Variants in AGO4 observed in about 807,000 individuals in gnomAD.
AGO4 encodes the protein protein argonaute-4.
Under a neutral mutation model 104.7 loss-of-function variants are expected in AGO4, and 33 were observed. The ratio of observed to expected loss-of-function variants is 0.32; its 90% CI spans 0.24 to 0.42. The LOEUF is 0.42. Ranked by LOEUF, AGO4 falls within the 10% of genes least tolerant of loss-of-function variation. The probability of loss-of-function intolerance (pLI) is 1.00; values close to 1 mark genes in which losing one functional copy is unlikely to be tolerated. For synonymous variants in AGO4, 331 were observed against 364.7 expected (o/e 0.91, Z 1.05); for missense variants, 711 against 1,083.4 (o/e 0.66, Z 4.83).
intron 16 of AGO4, 25 bp from the exon 17 acceptor site, chr1:35,850,829 A>G (rs750127761): frequency 6.8e-6 from 10 of 1,467,070 alleles, no homozygotes; most frequent in Non-Finnish European, 9.2e-6. Context: ...AAAAAAAAAC[A>G]TTAATCATAA....
intron 13 of AGO4, among the ~76,000 whole-genome samples, chr1:35,840,629 T>G (rs1461996437): frequency 6.6e-6 from 1 of 152,132 alleles, no homozygotes; most frequent in East Asian, 1.9e-4. Context: ...AAGGTCTTAC[T>G]CTGTCACCCA....
At chr1:35,831,392 A>C (rs1644181548) in intron 7 of AGO4, 35 bp from the exon 8 acceptor site, 1 of 1,559,032 alleles carries the variant, frequency 6.4e-7, no homozygotes, top group Non-Finnish European at 8.6e-7. Flanking sequence ...AAAGAACTTG[A>C]AGAAATATTC....
rs1029793768 is a variant in AGO4 at position 35,822,894 on chromosome 1, A to G, written c.218A>G (p.Lys73Arg). The G allele has an allele frequency of 1.9e-6, 3 of 1,614,120 alleles. No individual in the cohort carries two copies. The highest frequency in any genetic ancestry group is 2.5e-6 in the Non-Finnish European group (3 of 1,180,012). The change falls in exon 3 of 18, where the codon AAG (lysine) becomes AGG (arginine). Residue 73 changes from lysine to arginine, a missense_variant. Coordinates refer to ENST00000373210, the MANE Select transcript of AGO4 (RefSeq NM_017629.4). ...GTAGATACAATGGTGCGGCACTTCA[A>G]GATGCAAATATTTGGTGATCGGCAG... ...EVVDTMVRHFKMQIFGDRQPG... is the reference protein window; with the variant it reads ...EVVDTMVRHFRMQIFGDRQPG...
Position 35,832,164 on chromosome 1 carries a change from A to G in AGO4, c.1224A>G (p.Pro408=), listed in dbSNP as rs1282208378. ...TCACAGGCAGGGTACTTCCAGCACC[A>G]ATGCTGCAATATGGAGGCCGGGTAA... ...TELTGRVLPA[P]MLQYGGRNKT... Residue 408 remains proline (P), a synonymous_variant, in exon 10 of 18, where the codon CCA becomes CCG. Transcript: ENST00000373210. 1 of 1,613,698 alleles carries G rather than the reference A, an allele frequency of 6.2e-7. No individual in the cohort carries two copies. The highest frequency in any genetic ancestry group is 2.2e-5 in the East Asian group (1 of 44,884).
rs1571319024 is a variant in AGO4 at position 35,853,638 on chromosome 1, A to C, written c.*33A>C. 19 of 1,592,354 alleles carry C rather than the reference A, an allele frequency of 1.2e-5. No homozygotes were observed. Among genetic ancestry groups the C allele is most frequent in the Non-Finnish European group, 1.5e-5 (18 of 1,161,846 alleles). The stretch of plus-strand genomic sequence containing the variant: ...AGAAAAAGAACTCAACCAATTTGGC[A>C]CCCCATGCAGCCTCAAAATGTTTCA... On this transcript the variant is annotated 3_prime_UTR_variant, in exon 18 of 18. Coordinates refer to ENST00000373210, the MANE Select transcript of AGO4 (RefSeq NM_017629.4).
intron 1 of AGO4, among the ~76,000 whole-genome samples, chr1:35,811,539 A>C (rs937602966): frequency 6.6e-6 from 1 of 152,152 alleles, no homozygotes; most frequent in Non-Finnish European, 1.5e-5. Flanking sequence ...ACGTTTACAA[A>C]TGCAATTATA....
chr1:35,822,359 G>A (rs921102853), intron 2 of AGO4, among the ~76,000 whole-genome samples: 1 of 152,032 alleles, frequency 6.6e-6, no homozygotes, highest in African/African-American at 2.4e-5. Flanking sequence ...AGGTTCAAGC[G>A]ATTCACCTGC....
intron 2 of AGO4, among the ~76,000 whole-genome samples, chr1:35,821,766 TAATA>T (rs1643890948): frequency 6.6e-6 from 1 of 152,164 alleles, no homozygotes; most frequent in Non-Finnish European, 1.5e-5. Context: ...GTATACAGAA[TAATA>T]AATCACTGGC....
At chr1:35,817,086 G>T (rs2148652663) in intron 2 of AGO4, 39 bp downstream of exon 2, 1 of 1,527,594 alleles carries the variant, frequency 6.5e-7, no homozygotes, top group East Asian at 2.3e-5. Flanking sequence ...ATATTTAAGT[G>T]CATATAATTT....
chr1:35,850,091 A>T, intron 15 of AGO4, 66 bp from the exon 16 acceptor site: 4 of 1,112,324 alleles, frequency 3.6e-6, no homozygotes. Context: ...AACACACAAA[A>T]GAAAAAAATG....
chr1:35,819,133 G>A (rs542229370), intron 2 of AGO4, among the ~76,000 whole-genome samples: 1 of 152,260 alleles, frequency 6.6e-6, no homozygotes, highest in East Asian at 1.9e-4. Context: ...CATGTGGTGT[G>A]AAAGAAAGAA....
At chr1:35,827,184 GA>G (rs2148662661) in intron 7 of AGO4, among the ~76,000 whole-genome samples, 1 of 151,872 alleles carries the variant, frequency 6.6e-6, no homozygotes, top group South Asian at 2.1e-4. Context: ...CTGGGCAACA[GA>G]GCAAGACCCT....
rs368683042 is a variant in AGO4, at chr1:35,825,685, C to A, written c.495C>A (p.Thr165=). Residue 165 remains threonine, a synonymous_variant, in exon 5 of 18, where the codon ACC becomes ACA. Coordinates refer to ENST00000373210, the MANE Select transcript of AGO4 (RefSeq NM_017629.4). ...ITRHLPSMRY[T]PVGRSFFSPP... ...CAAACTCTTATTTCTTCAGGTACAC[C>A]CCAGTGGGCCGTTCCTTTTTCTCAC... 14 of 1,550,530 alleles carry A rather than the reference C, an allele frequency of 9.0e-6. No individual in the cohort carries two copies. The highest frequency in any genetic ancestry group is 1.2e-5 in the Non-Finnish European group (14 of 1,154,346).
intron 16 of AGO4, among the ~76,000 whole-genome samples, chr1:35,850,609 A>C (rs971937418): frequency 4.0e-5 from 6 of 151,632 alleles, no homozygotes; most frequent in Admixed American, 4.0e-4. Flanking sequence ...GTGAAACCCC[A>C]TCTCTACTAA....
intron 13 of AGO4, among the ~76,000 whole-genome samples, chr1:35,837,452 C>T (rs747256993): frequency 6.6e-6 from 1 of 151,712 alleles, no homozygotes; most frequent in Middle Eastern, 3.2e-3. Flanking sequence ...GATCATGGCT[C>T]ACTGAAGACC....
intron 13 of AGO4, among the ~76,000 whole-genome samples, chr1:35,839,278 A>G (rs1644384479): frequency 6.6e-6 from 1 of 152,224 alleles, no homozygotes; most frequent in Non-Finnish European, 1.5e-5. Context: ...TGAAACTTCT[A>G]GGTAAATAAA....
At chr1:35,813,570 A>G (rs896571367) in intron 1 of AGO4, among the ~76,000 whole-genome samples, 1 of 151,778 alleles carries the variant, frequency 6.6e-6, no homozygotes, top group Non-Finnish European at 1.5e-5. Flanking sequence ...CAGCCTAGGC[A>G]ACATGGCAAA....
At chr1:35,817,281 T>C (rs1643741768) in intron 2 of AGO4, among the ~76,000 whole-genome samples, 1 of 152,136 alleles carries the variant, frequency 6.6e-6, no homozygotes. Context: ...AAAAGAAAGG[T>C]CGCTCTTTCA....
In AGO4 at chr1:35,839,534, A is replaced by G. The variant is rs1025420329; in HGVS notation, c.1725-1631A>G. Among the ~76,000 whole-genome samples the G allele has an allele frequency of 2.6e-5, 4 of 152,246 alleles. No individual in the cohort carries two copies. In the South Asian group the frequency reaches 8.3e-4, roughly 32 times the overall value. On this transcript the variant is annotated intron_variant, in intron 13 of 17. Transcript: ENST00000373210. ...CTGGAAAAATTGAGATAATAATTGTACCACCCTCATAAAATTTTAAGGACT... is the reference window on the plus strand; with the variant it reads ...CTGGAAAAATTGAGATAATAATTGTGCCACCCTCATAAAATTTTAAGGACT...
Sources: allele counts gnomAD v4.1 joint callset (sites outside exome capture counted in the v4.1 genomes callset), GRCh38; gene constraint gnomAD v4.1.1; transcripts MANE v1.5; gene names NCBI Gene and HGNC (gene_info 2026-07-23, HGNC 2026-07-21).